Variants in MALRD1 observed in about 807,000 individuals in gnomAD.
MALRD1 encodes MAM and LDL receptor class A domain containing 1.
Under a neutral mutation model 242.1 loss-of-function variants are expected in MALRD1, and 247 were observed. That is an observed-to-expected ratio of 1.02 (90% CI 0.92 to 1.13). MALRD1 has a LOEUF of 1.13. Among genes scored for constraint, MALRD1 ranks in the 50% most tolerant of loss-of-function variants. The pLI is 0.00. For missense variants in MALRD1, 2,989 were observed against 2,533.1 expected (o/e 1.18, Z -3.86); for synonymous variants, 995 against 866.6 (o/e 1.15, Z -2.60).
intron 29 of MALRD1, among the ~76,000 whole-genome samples, chr10:19,488,427 A>G (rs1837326295): frequency 1.3e-5 from 2 of 152,190 alleles, no homozygotes; most frequent in Non-Finnish European, 1.5e-5. Flanking sequence ...TATAGGAATA[A>G]AAGGGTACTT....
chr10:19,197,353 CT>C (rs34505617), intron 14 of MALRD1, among the ~76,000 whole-genome samples: 35,149 of 151,988 alleles, frequency 0.23, 4,771 homozygotes, highest in South Asian at 0.47. Flanking sequence ...CTTCCCCTTC[CT>C]TTTTTGTCCT....
chr10:19,637,793 C>T (rs1304907374), intron 36 of MALRD1, among the ~76,000 whole-genome samples: 2 of 151,916 alleles, frequency 1.3e-5, no homozygotes, highest in Admixed American at 6.6e-5. Context: ...GAGAGAGCAT[C>T]ATGTGGCACA....
At chr10:19,055,165 T>G (rs1052704357) in intron 1 of MALRD1, among the ~76,000 whole-genome samples, 1 of 152,182 alleles carries the variant, frequency 6.6e-6, no homozygotes, top group East Asian at 1.9e-4. Context: ...ACTGAAAAAT[T>G]TTTTAATGTA....
intron 28 of MALRD1, among the ~76,000 whole-genome samples, chr10:19,441,577 G>C (rs1238862612): frequency 6.6e-6 from 1 of 152,168 alleles, no homozygotes; most frequent in Non-Finnish European, 1.5e-5. Context: ...AGTTTCCCCA[G>C]CACCATTTAT....
intron 28 of MALRD1, among the ~76,000 whole-genome samples, chr10:19,437,192 T>C (rs777871241): frequency 1.3e-5 from 2 of 152,112 alleles, no homozygotes; most frequent in Non-Finnish European, 2.9e-5. Flanking sequence ...AACAGATAAA[T>C]GATATGATGG....
At chr10:19,049,548 T>G (rs76415137) in intron 1 of MALRD1, among the ~76,000 whole-genome samples, 109 of 152,302 alleles carry the variant, frequency 7.2e-4, no homozygotes, top group African/African-American at 2.5e-3. Context: ...GTTGGGTAGA[T>G]TTTATTTTCA....
At chr10:19,249,905 G>A (rs1471532860) in intron 18 of MALRD1, among the ~76,000 whole-genome samples, 4 of 151,876 alleles carry the variant, frequency 2.6e-5, no homozygotes, top group African/African-American at 9.7e-5. Flanking sequence ...GTCTACATCA[G>A]TGTTAAGTTG....
At chr10:19,108,189 T>G (rs1018924957) in intron 5 of MALRD1, among the ~76,000 whole-genome samples, 1 of 152,046 alleles carries the variant, frequency 6.6e-6, no homozygotes, top group East Asian at 1.9e-4. Context: ...TGTTTTTCAT[T>G]CTTTCTTCTT....
intron 32 of MALRD1, among the ~76,000 whole-genome samples, chr10:19,543,403 A>G (rs571856425): frequency 6.7e-6 from 1 of 149,994 alleles, no homozygotes. Flanking sequence ...AGCTGGGACT[A>G]CAGATGTAAA....
At chr10:19,105,075 G>T (rs913982136) in intron 5 of MALRD1, among the ~76,000 whole-genome samples, 7 of 151,508 alleles carry the variant, frequency 4.6e-5, no homozygotes, top group Non-Finnish European at 1.0e-4. Flanking sequence ...ATATAATATC[G>T]TTAACTATAC....
chr10:19,347,677 C>T, intron 24 of MALRD1, 94 bp from the exon 25 acceptor site: 9 of 1,380,542 alleles, frequency 6.5e-6, no homozygotes, highest in Non-Finnish European at 8.8e-6. Flanking sequence ...TCAAATATTA[C>T]ATGATACAGC....
At chr10:19,405,644 AC>A (rs1223789135) in intron 28 of MALRD1, among the ~76,000 whole-genome samples, 1 of 152,166 alleles carries the variant, frequency 6.6e-6, no homozygotes, top group African/African-American at 2.4e-5. Context: ...GAATCTTAGA[AC>A]CCAGAATATG....
chr10:19,708,340 CTTTTTTT>C (rs545136011), intron 38 of MALRD1, among the ~76,000 whole-genome samples: 2 of 76,090 alleles, frequency 2.6e-5, no homozygotes, highest in African/African-American at 8.7e-5. Flanking sequence ...TTTTCTTTTT[CTTTTTTT>C]TTTTTTTTGA....
intron 33 of MALRD1, among the ~76,000 whole-genome samples, chr10:19,578,154 T>TC (rs397830729): frequency 1.3e-5 from 2 of 152,030 alleles, no homozygotes; most frequent in East Asian, 1.9e-4. Context: ...AGATTTTTTT[T>TC]CAAATAGAAA....
rs180713204 is a variant in MALRD1 at position 19,603,673 on chromosome 10, G to T, written c.5945-4104G>T. 1.9e-3 allele frequency among the ~76,000 whole-genome samples: 287 copies of T among 152,262 alleles called. 2 individuals carry two copies. The highest frequency in any genetic ancestry group is 6.7e-3 in the African/African-American group (280 of 41,552). ...TTTGGCTTAGGATTGTCTTGGCAAT[G>T]CGGGCCCTTTTTTGGTTTCATATTT... On this transcript the variant is annotated intron_variant, in intron 34 of 39. Transcript: ENST00000454679.
At chr10:19,205,369 C>A in intron 17 of MALRD1, 104 bp downstream of exon 17, 1 of 1,319,958 alleles carries the variant, frequency 7.6e-7, no homozygotes, top group Non-Finnish European at 9.9e-7. Context: ...GTAAGCATAG[C>A]TCCAAAGCTG....
intron 32 of MALRD1, among the ~76,000 whole-genome samples, chr10:19,563,909 GGTT>G (rs1564444012): frequency 4.0e-5 from 6 of 151,880 alleles, no homozygotes. Context: ...CACAAAATCT[GGTT>G]GTTGTAAAGT....
intron 31 of MALRD1, among the ~76,000 whole-genome samples, chr10:19,523,540 T>C (rs1448466399): frequency 2.0e-5 from 3 of 152,200 alleles, no homozygotes; most frequent in Admixed American, 6.5e-5. Flanking sequence ...GTTACAGAAA[T>C]GTTATTAAGT....
At chr10:19,293,500 G>A (rs1165776424) in intron 21 of MALRD1, among the ~76,000 whole-genome samples, 5 of 152,024 alleles carry the variant, frequency 3.3e-5, no homozygotes, top group Non-Finnish European at 7.4e-5. Flanking sequence ...TTTGTTGTGC[G>A]CAAGTAAATT....
Sources: gnomAD v4.1 joint callset for allele counts (sites outside exome capture counted in the v4.1 genomes callset) on GRCh38, gnomAD v4.1.1 for gene constraint, MANE v1.5 for transcripts, NCBI Gene and HGNC (gene_info 2026-07-23, HGNC 2026-07-21) for gene names.